ARHGAP42: variants seen among roughly 807,000 people sequenced by gnomAD.
The protein encoded by ARHGAP42 is rho GTPase-activating protein 42.
A neutral mutation model predicts 125.0 loss-of-function variants in ARHGAP42; 63 were observed. The ratio of observed to expected loss-of-function variants is 0.50; its 90% CI spans 0.41 to 0.62. ARHGAP42 has a LOEUF of 0.62. Among genes scored for constraint, ARHGAP42 ranks in the 20% least tolerant of loss-of-function variants. The pLI, the probability that ARHGAP42 is intolerant of heterozygous loss-of-function variation, is 0.00. For synonymous variants in ARHGAP42, 339 were observed against 351.0 expected, an observed-to-expected ratio of 0.97 and a Z score of 0.38; for missense variants, 766 against 1,024.2, an observed-to-expected ratio of 0.75 and a Z score of 3.44.
intron 4 of ARHGAP42, among the ~76,000 whole-genome samples, chr11:100,895,024 C>T (rs1866315772): frequency 6.6e-6 from 1 of 152,140 alleles, no homozygotes. Context: ...ACTGTTTGTG[C>T]TTTAAGTAAC....
chr11:100,747,008 C>G (rs1862321780), intron 1 of ARHGAP42, among the ~76,000 whole-genome samples: 1 of 152,112 alleles, frequency 6.6e-6, no homozygotes, highest in African/African-American at 2.4e-5. Context: ...AAGGTAGGGT[C>G]CTTCCCAGGC....
rs190688432 is a variant in ARHGAP42, at chr11:100,795,445, A to G, written c.312+279A>G. 4.9e-4 allele frequency among the ~76,000 whole-genome samples: 75 copies of G among 152,300 alleles called. No individual in the cohort carries two copies. In the East Asian group the frequency reaches 0.013, roughly 27 times the overall value. On this transcript the variant is annotated intron_variant, in intron 3 of 23. Transcript: ENST00000298815. ...GATTAAAAATATTGATCAGACTGCC[A>G]TTAAGAAACCCATTCTAATTCAGCA...
intron 5 of ARHGAP42, among the ~76,000 whole-genome samples, chr11:100,917,015 T>TTGTGTGTGTGTGTGTG (rs6144479): frequency 6.0e-5 from 9 of 149,618 alleles, no homozygotes; most frequent in South Asian, 2.1e-4. Flanking sequence ...TAAAATAAGT[T>TTGTGTGTGTGTGTGTG]TGTGTGTGTG....
At chr11:100,700,925 T>C (rs752106874) in intron 1 of ARHGAP42, among the ~76,000 whole-genome samples, 18 of 152,212 alleles carry the variant, frequency 1.2e-4, no homozygotes, top group Non-Finnish European at 2.5e-4. Context: ...TTTGCTGAGA[T>C]CCATCAGAGG....
At chr11:100,787,276 T>C (rs1863459937) in intron 2 of ARHGAP42, among the ~76,000 whole-genome samples, 1 of 146,402 alleles carries the variant, frequency 6.8e-6, no homozygotes, top group Non-Finnish European at 1.5e-5. Flanking sequence ...AGACTCCGTC[T>C]CAAAAAAAAA....
At chr11:100,961,415 A>G (rs1857951743) in intron 14 of ARHGAP42, among the ~76,000 whole-genome samples, 1 of 152,184 alleles carries the variant, frequency 6.6e-6, no homozygotes, top group Non-Finnish European at 1.5e-5. Flanking sequence ...AAGCACTTAG[A>G]AGCATGCTAG....
chr11:100,712,525 C>A (rs190921467), intron 1 of ARHGAP42, among the ~76,000 whole-genome samples: 2 of 152,134 alleles, frequency 1.3e-5, no homozygotes, highest in African/African-American at 2.4e-5. Context: ...CTTCCTCCCC[C>A]CTTCTCCCCC....
At chr11:100,949,561 G>T (rs480080) in intron 11 of ARHGAP42, among the ~76,000 whole-genome samples, 134,265 of 152,194 alleles carry the variant, frequency 0.88, 59,315 homozygotes, top group East Asian at 1. Context: ...ATTGAGAACA[G>T]GCTAAGCAGG....
At chr11:100,698,121 C>T (rs1206183599) in intron 1 of ARHGAP42, among the ~76,000 whole-genome samples, 1 of 152,106 alleles carries the variant, frequency 6.6e-6, no homozygotes, top group East Asian at 1.9e-4. Context: ...CAACTTCTAG[C>T]CTCAAGCCAT....
intron 3 of ARHGAP42, among the ~76,000 whole-genome samples, chr11:100,811,492 G>A (rs1451349425): frequency 7.0e-6 from 1 of 143,214 alleles, no homozygotes; most frequent in Non-Finnish European, 1.5e-5. Flanking sequence ...TGCCTCGAAT[G>A]TCTTGACTTT....
At chr11:100,784,931 G>A (rs1173417246) in intron 2 of ARHGAP42, among the ~76,000 whole-genome samples, 3 of 152,182 alleles carry the variant, frequency 2.0e-5, no homozygotes, top group African/African-American at 7.2e-5. Flanking sequence ...ACTTTCTGAT[G>A]GGATGTTGTG....
At chr11:100,772,581 T>C (rs1863008781) in intron 2 of ARHGAP42, among the ~76,000 whole-genome samples, 1 of 152,168 alleles carries the variant, frequency 6.6e-6, no homozygotes, top group African/African-American at 2.4e-5. Context: ...CCCACATGCA[T>C]GACTTCTTCC....
intron 22 of ARHGAP42, 34 bp from the exon 23 acceptor site, chr11:100,987,479 G>C: frequency 6.6e-7 from 1 of 1,513,738 alleles, no homozygotes; most frequent in African/African-American, 1.4e-5. Context: ...TAGGTTGAGT[G>C]TTGAGGTTTT....
chr11:100,690,683 G>A (rs933368933), intron 1 of ARHGAP42, among the ~76,000 whole-genome samples: 16 of 152,038 alleles, frequency 1.1e-4, no homozygotes, highest in East Asian at 9.7e-4. Flanking sequence ...TGCAAGCTCC[G>A]CCTCCCAGGT....
At chr11:100,721,843 C>T (rs776602683) in intron 1 of ARHGAP42, among the ~76,000 whole-genome samples, 1 of 152,124 alleles carries the variant, frequency 6.6e-6, no homozygotes, top group South Asian at 2.1e-4. Flanking sequence ...TATCCATTCA[C>T]TTATTGAAGG....
chr11:100,851,574 G>C (rs1448694496), intron 3 of ARHGAP42, among the ~76,000 whole-genome samples: 3 of 152,228 alleles, frequency 2.0e-5, no homozygotes, highest in Non-Finnish European at 4.4e-5. Flanking sequence ...GAACACCTTT[G>C]TTATTGGTTT....
At chr11:100,856,479 T>C (rs1565244074) in intron 3 of ARHGAP42, among the ~76,000 whole-genome samples, 1 of 152,100 alleles carries the variant, frequency 6.6e-6, no homozygotes. Flanking sequence ...AATTGGTTTG[T>C]AAATCCACTT....
At chr11:100,869,158 G>T (rs1565250594) in intron 4 of ARHGAP42, among the ~76,000 whole-genome samples, 1 of 151,838 alleles carries the variant, frequency 6.6e-6, no homozygotes, top group South Asian at 2.1e-4. Flanking sequence ...TAGCAAGAAG[G>T]CATCTAGATG....
intron 4 of ARHGAP42, among the ~76,000 whole-genome samples, chr11:100,894,585 C>G (rs2135197328): frequency 6.6e-6 from 1 of 152,294 alleles, no homozygotes; most frequent in South Asian, 2.1e-4. Flanking sequence ...TACCACCCAG[C>G]CTTCTCTTTT....
Sources: allele counts gnomAD v4.1 joint callset (sites outside exome capture counted in the v4.1 genomes callset), GRCh38; gene constraint gnomAD v4.1.1; transcripts MANE v1.5; gene names NCBI Gene and HGNC (gene_info 2026-07-23, HGNC 2026-07-21).